Variants in L3MBTL4 observed in about 807,000 individuals in gnomAD.
L3MBTL4 encodes the protein L3MBTL histone methyl-lysine binding protein 4.
In L3MBTL4, 70 loss-of-function variants were observed where a neutral mutation model predicts 84.5. The ratio of observed to expected loss-of-function variants is 0.83; its 90% CI spans 0.68 to 1.01. L3MBTL4 has a LOEUF of 1.01. Ranked by LOEUF, L3MBTL4 falls within the 50% of genes least tolerant of loss-of-function variation. L3MBTL4 has a pLI of 0.00. For synonymous variants in L3MBTL4, 274 were observed against 259.8 expected (o/e 1.05, Z -0.52); for missense variants, 715 against 754.8 (o/e 0.95, Z 0.62).
chr18:5,994,796 C>T (rs1027777898), intron 16 of L3MBTL4, among the ~76,000 whole-genome samples: 1 of 152,182 alleles, frequency 6.6e-6, no homozygotes, highest in Non-Finnish European at 1.5e-5. Flanking sequence ...CCTTCAACTT[C>T]TATCATTTTG....
At chr18:6,365,762 T>C (rs2053908935) in intron 1 of L3MBTL4, among the ~76,000 whole-genome samples, 1 of 152,352 alleles carries the variant, frequency 6.6e-6, no homozygotes, top group South Asian at 2.1e-4. Flanking sequence ...AAACACTGTA[T>C]TGTTTGCAAG....
At chr18:6,123,836 G>A (rs1296719520) in intron 14 of L3MBTL4, among the ~76,000 whole-genome samples, 1 of 152,138 alleles carries the variant, frequency 6.6e-6, no homozygotes, top group African/African-American at 2.4e-5. Context: ...TTAGTTAAGG[G>A]CTAGGCCCAC....
At chr18:6,078,426 CAAAAAAAAAAAACA>C (rs1290598958) in intron 16 of L3MBTL4, among the ~76,000 whole-genome samples, 8 of 34,878 alleles carry the variant, frequency 2.3e-4, no homozygotes, top group Admixed American at 6.7e-4. Flanking sequence ...GAGTCCACCT[CAAAAAAAAAAAACA>C]AAAAAAAAAA....
chr18:6,303,026 T>G (rs1284839765), intron 3 of L3MBTL4, among the ~76,000 whole-genome samples: 1 of 152,126 alleles, frequency 6.6e-6, no homozygotes, highest in East Asian at 1.9e-4. Flanking sequence ...ACTTAAAAAT[T>G]GGGAACGGAA....
intron 10 of L3MBTL4, among the ~76,000 whole-genome samples, chr18:6,229,885 G>A (rs554830137): frequency 1.6e-4 from 24 of 152,096 alleles, no homozygotes; most frequent in Admixed American, 5.9e-4. Flanking sequence ...GTAGCTTTTC[G>A]GTAAGTTCTG....
At chr18:6,329,942 T>C (rs2051938424) in intron 1 of L3MBTL4, among the ~76,000 whole-genome samples, 2 of 152,234 alleles carry the variant, frequency 1.3e-5, no homozygotes, top group Admixed American at 1.3e-4. Flanking sequence ...GTCTCATTTC[T>C]TTTACTAACA....
At chr18:6,226,846 G>A (rs2046804467) in intron 10 of L3MBTL4, among the ~76,000 whole-genome samples, 1 of 151,798 alleles carries the variant, frequency 6.6e-6, no homozygotes, top group African/African-American at 2.4e-5. Flanking sequence ...AAACCATAAT[G>A]GATAAATAGA....
intron 9 of L3MBTL4, among the ~76,000 whole-genome samples, chr18:6,239,391 CAAA>C (rs11361405): frequency 5.0e-5 from 7 of 138,742 alleles, no homozygotes; most frequent in African/African-American, 5.3e-5. Context: ...ATTTTTTAGA[CAAA>C]AAAAAAAAAA....
At chr18:6,089,084 G>T (rs1431961899) in intron 15 of L3MBTL4, among the ~76,000 whole-genome samples, 1 of 151,968 alleles carries the variant, frequency 6.6e-6, no homozygotes, top group Non-Finnish European at 1.5e-5. Flanking sequence ...GGCAAAGGAA[G>T]TTATTAAAGA....
At chr18:6,360,498 C>T (rs2053638905) in intron 1 of L3MBTL4, among the ~76,000 whole-genome samples, 1 of 152,158 alleles carries the variant, frequency 6.6e-6, no homozygotes, top group African/African-American at 2.4e-5. Flanking sequence ...TTTACAAAAG[C>T]TAATTAACTC....
At chr18:5,999,741 C>T (rs1303226098) in intron 16 of L3MBTL4, among the ~76,000 whole-genome samples, 2 of 152,134 alleles carry the variant, frequency 1.3e-5, no homozygotes, top group African/African-American at 4.8e-5. Context: ...AGAAGATATG[C>T]AGGGGAAGGG....
intron 15 of L3MBTL4, among the ~76,000 whole-genome samples, chr18:6,084,801 T>C (rs914217574): frequency 6.6e-6 from 1 of 152,100 alleles, no homozygotes; most frequent in African/African-American, 2.4e-5. Context: ...AGGTGAGAGA[T>C]GGTAGAAAAA....
At chr18:6,142,989 T>A (rs2060243298) in intron 13 of L3MBTL4, among the ~76,000 whole-genome samples, 1 of 152,176 alleles carries the variant, frequency 6.6e-6, no homozygotes, top group African/African-American at 2.4e-5. Context: ...ATAAACAGTT[T>A]TCTCTAAACT....
chr18:6,361,039 G>T (rs78092613), intron 1 of L3MBTL4, among the ~76,000 whole-genome samples: 1 of 139,292 alleles, frequency 7.2e-6, no homozygotes, highest in Non-Finnish European at 1.5e-5. Context: ...AAAAAAAAAA[G>T]ATACTGGGTA....
At chr18:6,005,983 T>A (rs965062617) in intron 16 of L3MBTL4, among the ~76,000 whole-genome samples, 3 of 150,236 alleles carry the variant, frequency 2.0e-5, no homozygotes, top group Non-Finnish European at 4.5e-5. Flanking sequence ...AAATGGTAAA[T>A]TTTATATTGT....
intron 1 of L3MBTL4, among the ~76,000 whole-genome samples, chr18:6,323,012 A>G (rs2051507878): frequency 6.6e-6 from 1 of 152,064 alleles, no homozygotes; most frequent in African/African-American, 2.4e-5. Flanking sequence ...ACGATTGTTT[A>G]AAAGTGTGTA....
intron 1 of L3MBTL4, among the ~76,000 whole-genome samples, chr18:6,374,835 T>C (rs978006862): frequency 2.0e-5 from 3 of 152,088 alleles, no homozygotes; most frequent in Non-Finnish European, 2.9e-5. Flanking sequence ...TTATTGCCAG[T>C]ACTAAAACAT....
At chr18:6,062,899 G>A (rs2057277488) in intron 16 of L3MBTL4, among the ~76,000 whole-genome samples, 1 of 151,430 alleles carries the variant, frequency 6.6e-6, no homozygotes, top group South Asian at 2.1e-4. Flanking sequence ...GTTTTTTAGT[G>A]GTGATTCCTG....
At chr18:6,234,980 T>A (rs796878736) in intron 10 of L3MBTL4, among the ~76,000 whole-genome samples, 1 of 152,078 alleles carries the variant, frequency 6.6e-6, no homozygotes, top group Non-Finnish European at 1.5e-5. Context: ...TGAAATACTA[T>A]GCAGCCATAA....
Sources: allele counts gnomAD v4.1 joint callset (sites outside exome capture counted in the v4.1 genomes callset), GRCh38; gene constraint gnomAD v4.1.1; transcripts MANE v1.5; gene names NCBI Gene and HGNC (gene_info 2026-07-23, HGNC 2026-07-21).